Variants in ZMIZ1 observed in about 807,000 individuals in gnomAD.
The protein encoded by ZMIZ1 is zinc finger MIZ domain-containing protein 1.
Under a neutral mutation model 113.9 loss-of-function variants are expected in ZMIZ1, and 17 were observed. The observed-to-expected ratio is 0.15, with a 90% confidence interval of 0.10 to 0.22. The LOEUF (loss-of-function observed/expected upper bound fraction) is 0.22. Ranked by LOEUF, ZMIZ1 falls within the 10% of genes least tolerant of loss-of-function variation. ZMIZ1 has a pLI of 1.00. For synonymous variants in ZMIZ1, 607 were observed against 603.1 expected, an observed-to-expected ratio of 1.01 and a Z score of -0.09; for missense variants, 1,059 against 1,477.8, an observed-to-expected ratio of 0.72 and a Z score of 4.65.
intron 4 of ZMIZ1, among the ~76,000 whole-genome samples, chr10:79,168,648 A>G (rs1564694967): frequency 1.3e-5 from 2 of 152,202 alleles, no homozygotes; most frequent in Non-Finnish European, 2.9e-5. Context: ...AAGGATTCGG[A>G]GGCTGTGTGC....
intron 6 of ZMIZ1, among the ~76,000 whole-genome samples, chr10:79,215,339 G>T (rs1293782229): frequency 6.2e-5 from 9 of 145,854 alleles, no homozygotes; most frequent in Non-Finnish European, 1.0e-4. Context: ...TTGCTGTTCT[G>T]CCCAGGCTGG....
At chr10:79,100,438 A>G (rs7068161) in intron 1 of ZMIZ1, among the ~76,000 whole-genome samples, 37,308 of 135,180 alleles carry the variant, frequency 0.28, 4,986 homozygotes, top group Non-Finnish European at 0.33. Context: ...ACCATCTCTG[A>G]AAAAAAAAAA....
At chr10:79,291,543 A>G (rs372615386) in intron 10 of ZMIZ1, among the ~76,000 whole-genome samples, 1 of 152,256 alleles carries the variant, frequency 6.6e-6, no homozygotes, top group African/African-American at 2.4e-5. Flanking sequence ...AGTTGCCCAA[A>G]GACAGTGAAG....
At chr10:79,189,590 G>A (rs1847512171) in intron 4 of ZMIZ1, among the ~76,000 whole-genome samples, 1 of 152,246 alleles carries the variant, frequency 6.6e-6, no homozygotes, top group African/African-American at 2.4e-5. Context: ...GCCAGCAAGT[G>A]TCAGAGCCAG....
In ZMIZ1 at chr10:79,106,627, G is replaced by A. The variant is rs139470669; in HGVS notation, c.-336-12288G>A. Among the ~76,000 whole-genome samples, 278 of 152,338 alleles carry A rather than the reference G, an allele frequency of 1.8e-3. 3 individuals carry two copies. The highest frequency in any genetic ancestry group is 8.2e-3 in the Admixed American group (126 of 15,302). On this transcript the variant is annotated intron_variant, in intron 1 of 24. Transcript: ENST00000334512. ...GCCGGTCTTTGCCCGTTGTGCAAGG[G>A]GACATCCCCCAACCACATTGCAGGC...
intron 7 of ZMIZ1, among the ~76,000 whole-genome samples, chr10:79,235,748 C>A (rs1445790903): frequency 6.6e-6 from 1 of 152,222 alleles, no homozygotes; most frequent in Non-Finnish European, 1.5e-5. Flanking sequence ...GAATCCCACA[C>A]TGTGCTGGGA....
At position 79,245,508 on chromosome 10, in the gene ZMIZ1, A is replaced by G. The variant is rs1190386965; in HGVS notation, c.280+29234A>G. Among the ~76,000 whole-genome samples, 4 of 152,212 alleles carry G rather than the reference A, an allele frequency of 2.6e-5. No homozygotes were observed. The South Asian group carries it at 6.2e-4, about 24-fold the overall frequency. ...AAGGCTGGTTGGGTGTGTTTTCCCC[A>G]TTGGAGTTGGGACGGGGTCGGGGGG... On this transcript the variant is annotated intron_variant, in intron 7 of 24. Coordinates refer to ENST00000334512, the MANE Select transcript of ZMIZ1 (RefSeq NM_020338.4).
At position 79,088,400 on chromosome 10, in the gene ZMIZ1, A is replaced by G. The variant is rs181907499; in HGVS notation, c.-337+19130A>G. 2.8e-3 allele frequency among the ~76,000 whole-genome samples: 428 copies of G among 152,268 alleles called. 1 individual carries two copies. The highest frequency in any genetic ancestry group is 5.0e-3 in the Non-Finnish European group (337 of 68,010). On this transcript the variant is annotated intron_variant, in intron 1 of 24. Transcript: ENST00000334512. ...TGTGCACCAGGCGAGTCTGTGGGCA[A>G]ATGAGCTCCAGCTTGCCATGGTGCT...
chr10:79,094,888 G>A (rs1040578207), intron 1 of ZMIZ1, among the ~76,000 whole-genome samples: 4 of 152,062 alleles, frequency 2.6e-5, no homozygotes, highest in African/African-American at 9.7e-5. Context: ...GGTCGAGGCT[G>A]TAGTGAGCCA....
chr10:79,308,607 G>A (rs1476111049), intron 23 of ZMIZ1, among the ~76,000 whole-genome samples: 1 of 152,206 alleles, frequency 6.6e-6, no homozygotes, highest in African/African-American at 2.4e-5. Flanking sequence ...TCTAGGTGAG[G>A]TAGCAGCAAC....
At chr10:79,134,206 G>C (rs544690390) in intron 2 of ZMIZ1, among the ~76,000 whole-genome samples, 2 of 152,162 alleles carry the variant, frequency 1.3e-5, no homozygotes, top group Non-Finnish European at 2.9e-5. Flanking sequence ...GGCTCAGGGC[G>C]GGGTAGGGGG....
intron 7 of ZMIZ1, among the ~76,000 whole-genome samples, chr10:79,254,090 T>A (rs1850726408): frequency 6.6e-6 from 1 of 152,258 alleles, no homozygotes; most frequent in Admixed American, 6.5e-5. Flanking sequence ...AGAAGGAGGC[T>A]GTTTTCTTAA....
chr10:79,219,417 A>G (rs1303528397), intron 7 of ZMIZ1, among the ~76,000 whole-genome samples: 3 of 152,350 alleles, frequency 2.0e-5, no homozygotes, highest in East Asian at 1.9e-4. Context: ...GAGAGGTCCT[A>G]TGACTTCCCT....
chr10:79,298,417 G>A lies in ZMIZ1; in HGVS notation c.1503G>A (p.Pro501=), dbSNP rs142446670. Residue 501 remains proline, a synonymous_variant, in exon 15 of 25, where the codon CCG becomes CCA. Coordinates refer to ENST00000334512, the MANE Select transcript of ZMIZ1 (RefSeq NM_020338.4). The part of the protein sequence containing the change: ...SQGNVNRPPR[P]VPVANYPHSP... ...TTCTTTCCCTCCAGCCTCCCAGGCC[G>A]GTTCCTGTGGCAAATTACCCCCACT... 3.9e-5 allele frequency: 63 copies of A among 1,607,782 alleles called. No individual in the cohort carries two copies. Among genetic ancestry groups the A allele is most frequent in the African/African-American group, 3.5e-4 (26 of 74,290 alleles).
intron 4 of ZMIZ1, among the ~76,000 whole-genome samples, chr10:79,191,027 T>C (rs1233616974): frequency 6.6e-6 from 1 of 152,098 alleles, no homozygotes; most frequent in Non-Finnish European, 1.5e-5. Context: ...CAGAAGTGTA[T>C]GTGGAGGATT....
chr10:79,166,576 G>A (rs916500555), intron 4 of ZMIZ1, among the ~76,000 whole-genome samples: 2 of 152,252 alleles, frequency 1.3e-5, no homozygotes, highest in Non-Finnish European at 2.9e-5. Flanking sequence ...CCACCAGCTG[G>A]AGCAGGAGAA....
intron 3 of ZMIZ1, among the ~76,000 whole-genome samples, chr10:79,152,136 T>C (rs549181878): frequency 6.6e-6 from 1 of 152,152 alleles, no homozygotes; most frequent in Non-Finnish European, 1.5e-5. Flanking sequence ...ATTTCCCCCA[T>C]TGAAGAGTGG....
chr10:79,308,445 T>G (rs951247724), intron 23 of ZMIZ1, among the ~76,000 whole-genome samples: 2 of 152,146 alleles, frequency 1.3e-5, no homozygotes, highest in Non-Finnish European at 2.9e-5. Flanking sequence ...GGGCCATCAC[T>G]GAGCACGTGG....
intron 8 of ZMIZ1, among the ~76,000 whole-genome samples, chr10:79,289,363 G>A (rs568369977): frequency 2.6e-5 from 4 of 152,298 alleles, no homozygotes; most frequent in African/African-American, 9.6e-5. Flanking sequence ...GTACTGAGAA[G>A]GGACCAAGCA....
Sources: allele counts gnomAD v4.1 joint callset (sites outside exome capture counted in the v4.1 genomes callset), GRCh38; gene constraint gnomAD v4.1.1; transcripts MANE v1.5; gene names NCBI Gene and HGNC (gene_info 2026-07-23, HGNC 2026-07-21).